The following KIAA2012 variants were observed in gnomAD, a reference collection of about 807,000 sequenced individuals.
KIAA2012 encodes uncharacterized protein KIAA2012.
A neutral mutation model predicts 150.6 loss-of-function variants in KIAA2012; 125 were observed. The observed-to-expected ratio is 0.83, with a 90% CI of 0.72 to 0.96. The LOEUF is 0.96. Among genes scored for constraint, KIAA2012 ranks in the 40% least tolerant of loss-of-function variants. The pLI, the probability that KIAA2012 is intolerant of heterozygous loss-of-function variation, is 0.00. For synonymous variants in KIAA2012, 462 were observed against 504.7 expected, an observed-to-expected ratio of 0.92 and a Z score of 1.13; for missense variants, 1,219 against 1,354.9, an observed-to-expected ratio of 0.90 and a Z score of 1.57.
At chr2:202,202,968 G>T (rs1054879418) in intron 23 of KIAA2012, among the ~76,000 whole-genome samples, 11 of 150,872 alleles carry the variant, frequency 7.3e-5, no homozygotes, top group Non-Finnish European at 1.2e-4. Context: ...AGCCCAATTA[G>T]TTAGTTCCAT....
At chr2:202,162,581 CTTT>C (rs890834084) in intron 14 of KIAA2012, among the ~76,000 whole-genome samples, 5 of 120,834 alleles carry the variant, frequency 4.1e-5, no homozygotes, top group Non-Finnish European at 3.5e-5. Context: ...GGCCCAGAGT[CTTT>C]TTTTTTTTTT....
intron 2 of KIAA2012, among the ~76,000 whole-genome samples, chr2:202,080,531 T>C (rs1689425444): frequency 1.3e-5 from 2 of 151,888 alleles, no homozygotes; most frequent in African/African-American, 4.8e-5. Flanking sequence ...CCGTCTCTAC[T>C]AAAAATACAA....
chr2:202,202,291 CT>C (rs1692545064), intron 22 of KIAA2012, 137 bp from the exon 23 acceptor site: 1 of 401,894 alleles, frequency 2.5e-6, no homozygotes, highest in Non-Finnish European at 4.4e-6. Context: ...AGAGTATGAT[CT>C]TCCACTGAAA....
intron 13 of KIAA2012, among the ~76,000 whole-genome samples, chr2:202,139,702 G>A (rs1691159748): frequency 1.3e-5 from 2 of 152,204 alleles, no homozygotes; most frequent in Admixed American, 1.3e-4. Context: ...CTGCTGCCAA[G>A]GAGCTGCAGA....
At chr2:202,138,394 C>A (rs1691125887) in intron 12 of KIAA2012, 38 bp from the exon 13 acceptor site, 7 of 1,463,554 alleles carry the variant, frequency 4.8e-6, no homozygotes, top group Non-Finnish European at 6.6e-6. Context: ...CCAGATCTGA[C>A]CACCTTGATC....
At position 202,104,467 on chromosome 2, in the gene KIAA2012, C is replaced by T. The variant is rs769747439; in HGVS notation, c.1325-1294C>T. 2.0e-5 allele frequency among the ~76,000 whole-genome samples: 3 copies of T among 152,154 alleles called. No individual in the cohort carries two copies. The highest frequency in any genetic ancestry group is 4.4e-5 in the Non-Finnish European group (3 of 68,016). ...GGGCCACACGGGGGCGCACCAGCCT[C>T]CAGGAGGCAGAAGGCAGGGAGCACA... On this transcript the variant is annotated intron_variant, in intron 8 of 23. Transcript: ENST00000498697. This position sits in a 1 kb window ranked among gnomAD's most constrained non-coding sequence, Gnocchi z 4.3.
In KIAA2012 at chr2:202,075,091, C is replaced by A. The variant is rs1689296324; in HGVS notation, c.285C>A (p.Pro95=). ...PKERRKGPYC[P]RGPWRKLDLE... is the part of the protein sequence containing the mutation. ...AGAGGAGAAAAGGCCCCTACTGCCC[C>A]AGAGGTCCCTGGAGGAAGCTGGATC... Residue 95 remains proline, a synonymous_variant, in exon 2 of 24, where the codon CCC becomes CCA. Transcript: ENST00000498697. 6.4e-7 allele frequency: 1 copy of A among 1,550,496 alleles called. No individual in the cohort carries two copies. The highest frequency in any genetic ancestry group is 8.7e-7 in the Non-Finnish European group (1 of 1,146,974).
At chr2:202,180,735 G>A (rs757969086) in intron 15 of KIAA2012, among the ~76,000 whole-genome samples, 39 of 152,180 alleles carry the variant, frequency 2.6e-4, no homozygotes, top group Non-Finnish European at 1.2e-4. Context: ...TGAGGGATGA[G>A]AATCGGTTGA....
In KIAA2012 at chr2:202,186,813, A is replaced by G. The variant is rs1692236915; in HGVS notation, c.2211-120A>G. On this transcript the variant is annotated intron_variant, in intron 16 of 23. Transcript: ENST00000498697. ...GCAGAAGAAAAAGAGTTGACTAAGT[A>G]TGTCAAATGTCAGGCACAGTGCCTG... 12 of 860,622 alleles carry G rather than the reference A, an allele frequency of 1.4e-5. No homozygotes were observed. The South Asian group carries it at 1.9e-4, about 14-fold the overall frequency. 53.3% of individuals were successfully genotyped at this position (860,622 alleles called of 1,614,324 possible).
chr2:202,088,758 C>T (rs1689644450), intron 2 of KIAA2012, among the ~76,000 whole-genome samples: 1 of 152,136 alleles, frequency 6.6e-6, no homozygotes, highest in Admixed American at 6.5e-5. Context: ...GAGATTGGAA[C>T]TATTTGTTCA....
At chr2:202,118,515 G>A (rs536846134) in intron 11 of KIAA2012, among the ~76,000 whole-genome samples, 6 of 152,354 alleles carry the variant, frequency 3.9e-5, no homozygotes, top group East Asian at 3.9e-4. Context: ...AAAGCTCTGG[G>A]CACTGAGCTC....
intron 14 of KIAA2012, among the ~76,000 whole-genome samples, chr2:202,162,716 G>A (rs567041922): frequency 2.0e-5 from 3 of 151,216 alleles, no homozygotes; most frequent in Non-Finnish European, 2.9e-5. Flanking sequence ...GTGGATCACC[G>A]GTCAAGAGAT....
rs577176253 is a variant in KIAA2012, at chr2:202,183,218, G to A, written c.2120-1535G>A. 4.1e-4 allele frequency among the ~76,000 whole-genome samples: 62 copies of A among 152,102 alleles called. 1 individual carries two copies. Among genetic ancestry groups the A allele is most frequent in the African/African-American group, 1.5e-3 (62 of 41,490 alleles). On this transcript the variant is annotated intron_variant, in intron 15 of 23. Transcript: ENST00000498697. The stretch of plus-strand genomic sequence containing the variant: ...GCGGATCGCTTGAGCCCAGAAGTTC[G>A]AGACCAGCCTAGGCAACATAGTGAG...
In KIAA2012 at chr2:202,190,425, T is replaced by A; in HGVS notation, c.2743T>A (p.Ser915Thr). ...TTCTCTAGATGGAAGATCATCACCC[T>A]CTCAGATTGCAACTGTCACTGGCAA... Reference protein sequence around the residue: ...QVSLDGRSSPSQIATVTGNME... With the variant: ...QVSLDGRSSPTQIATVTGNME... Residue 915 changes from serine to threonine, a missense_variant, in exon 19 of 24, where the codon TCT becomes ACT. Coordinates refer to ENST00000498697, the MANE Select transcript of KIAA2012 (RefSeq NM_001277372.4). 1.3e-6 allele frequency: 2 copies of A among 1,549,566 alleles called. No homozygotes were observed. Among genetic ancestry groups the A allele is most frequent in the Non-Finnish European group, 1.7e-6 (2 of 1,146,382 alleles).
chr2:202,085,340 C>T lies in KIAA2012; in HGVS notation c.370-5430C>T, dbSNP rs192726381. Among the ~76,000 whole-genome samples the T allele has an allele frequency of 1.4e-4, 21 of 152,188 alleles. 1 individual carries two copies. Among genetic ancestry groups the T allele is most frequent in the Non-Finnish European group, 2.8e-4 (19 of 68,014 alleles). Reference sequence around the variant, plus strand: ...TAAGGTTATCATCAATAGATGGCCTCGAAATGGGGATATTATCTTGGATGA... The same window carrying T: ...TAAGGTTATCATCAATAGATGGCCTTGAAATGGGGATATTATCTTGGATGA... On this transcript the variant is annotated intron_variant, in intron 2 of 23. Transcript: ENST00000498697.
chr2:202,149,985 C>G (rs575614871), intron 13 of KIAA2012, among the ~76,000 whole-genome samples: 1 of 152,298 alleles, frequency 6.6e-6, no homozygotes, highest in East Asian at 1.9e-4. Context: ...TTAAGTTTTG[C>G]TATATTATAT....
Position 202,096,045 on chromosome 2 carries a change from C to T in KIAA2012, c.686-1390C>T, listed in dbSNP as rs373851102. Among the ~76,000 whole-genome samples the T allele has an allele frequency of 5.9e-3, 894 of 152,274 alleles. 5 individuals carry two copies. Among genetic ancestry groups the T allele is most frequent in the South Asian group, 0.029 (141 of 4,826 alleles). On this transcript the variant is annotated intron_variant, in intron 4 of 23. Coordinates refer to ENST00000498697, the MANE Select transcript of KIAA2012 (RefSeq NM_001277372.4). ...GTTGCAGTGAGCCAAGATCATGCCA[C>T]TGCACTCCAGCCTGGGCAACAGAGT...
chr2:202,103,040 C>G lies in KIAA2012; in HGVS notation c.1250C>G (p.Thr417Arg). Residue 417 changes from threonine to arginine, a missense_variant, in exon 8 of 24, where the codon ACA becomes AGA. Transcript: ENST00000498697. ...CAATTTAAAGCCAATGAGCCCCCAA[C>G]AGAGCTCTTCATCTTACCGGTGGAG... is the stretch of plus-strand genomic sequence containing the variant. ...KSQFKANEPP[T>R]ELFILPVEIH... 6.4e-7 allele frequency: 1 copy of G among 1,550,600 alleles called. No individual in the cohort carries two copies. Among genetic ancestry groups the G allele is most frequent in the East Asian group, 2.4e-5 (1 of 40,924 alleles).
At chr2:202,192,882 C>G (rs12693960) in intron 19 of KIAA2012, among the ~76,000 whole-genome samples, 54,932 of 152,028 alleles carry the variant, frequency 0.36, 10,112 homozygotes, top group African/African-American at 0.43. Flanking sequence ...TCCCAAAATG[C>G]TGGGATTACA....
Sources: gnomAD v4.1 joint callset for allele counts (sites outside exome capture counted in the v4.1 genomes callset) on GRCh38, gnomAD v4.1.1 for gene constraint, Gnocchi (gnomAD v3.1) non-coding constraint, MANE v1.5 for transcripts, NCBI Gene and HGNC (gene_info 2026-07-23, HGNC 2026-07-21) for gene names.